SPATA22: variants seen among roughly 807,000 people sequenced by gnomAD.
SPATA22 encodes spermatogenesis associated 22, also known as spermatogenesis-associated protein 22.
A neutral mutation model predicts 47.8 loss-of-function variants in SPATA22; 29 were observed. The ratio of observed to expected loss-of-function variants is 0.61; its 90% CI spans 0.45 to 0.83. The LOEUF (loss-of-function observed/expected upper bound fraction) is 0.83. SPATA22 is among the 40% of genes least tolerant of loss of function. SPATA22 has a pLI of 0.00. For missense variants in SPATA22, 410 were observed against 421.7 expected (o/e 0.97, Z 0.24); for synonymous variants, 133 against 140.9 (o/e 0.94, Z 0.40).
Position 3,482,215 on chromosome 17 carries a change from A to G in SPATA22, c.-73-12817T>C, listed in dbSNP as rs2150747294. Among the ~76,000 whole-genome samples the G allele has an allele frequency of 1.3e-5, 2 of 152,334 alleles. 1 individual carries two copies. Among genetic ancestry groups the G allele is most frequent in the East Asian group, 3.9e-4 (2 of 5,184 alleles). On this transcript the variant is annotated intron_variant, in intron 1 of 8. Coordinates refer to the SPATA22 transcript ENST00000541913. ...CTTTAAATGGTATGGGATCTCAATT[A>G]CAAGGTTTTAGGAAACTTAAGAAAT...
At chr17:3,499,309 A>C in intron 1 of SPATA22, 1 of 442,084 alleles carries the variant, frequency 2.3e-6, no homozygotes, top group East Asian at 3.7e-5. Flanking sequence ...TCCTATTTCT[A>C]TATAGTTTAT....
intron 1 of SPATA22, among the ~76,000 whole-genome samples, chr17:3,505,728 G>A (rs2074034229): frequency 7.8e-6 from 1 of 127,576 alleles, no homozygotes; most frequent in South Asian, 2.5e-4. Flanking sequence ...TAGCTGCTTA[G>A]GGGTTTTTTG....
intron 1 of SPATA22, among the ~76,000 whole-genome samples, chr17:3,484,044 C>T (rs1234076758): frequency 6.6e-6 from 1 of 152,220 alleles, no homozygotes; most frequent in East Asian, 1.9e-4. Flanking sequence ...TAGCTCCAGG[C>T]AGGCTCTAAT....
At chr17:3,504,729 G>A (rs1482239281) in intron 1 of SPATA22, among the ~76,000 whole-genome samples, 6 of 151,956 alleles carry the variant, frequency 3.9e-5, no homozygotes, top group Non-Finnish European at 8.8e-5. Flanking sequence ...GGCTAATTTT[G>A]TATTTTTTTA....
At chr17:3,489,833 A>G (rs1488502489) in intron 1 of SPATA22, among the ~76,000 whole-genome samples, 1 of 152,186 alleles carries the variant, frequency 6.6e-6, no homozygotes, top group Non-Finnish European at 1.5e-5. Context: ...AAAACACACC[A>G]ATCTTATTAC....
At chr17:3,493,040 C>T (rs2073850268) in intron 1 of SPATA22, among the ~76,000 whole-genome samples, 1 of 152,192 alleles carries the variant, frequency 6.6e-6, no homozygotes. Context: ...CAAAGGAAGG[C>T]TTTCCTTTGA....
chr17:3,488,292 A>C lies in SPATA22; in HGVS notation c.-73-18894T>G, dbSNP rs2073762557. On this transcript the variant is annotated intron_variant, in intron 1 of 8. Transcript: ENST00000541913. The surrounding 1 kb of genome is among the most constrained non-coding windows in gnomAD (Gnocchi z 6.1). ...AGGATGGATGCTTAACAGCCACACAAAGTAGACCTAATAGTACAGGCATCA... is the reference window on the plus strand; with the variant it reads ...AGGATGGATGCTTAACAGCCACACACAGTAGACCTAATAGTACAGGCATCA... Among the ~76,000 whole-genome samples the C allele has an allele frequency of 1.3e-5, 2 of 152,232 alleles. No homozygotes were observed.
intron 1 of SPATA22, among the ~76,000 whole-genome samples, chr17:3,505,692 C>G (rs141344010): frequency 6.6e-6 from 1 of 151,720 alleles, no homozygotes; most frequent in South Asian, 2.1e-4. Flanking sequence ...TTTGCATATC[C>G]GACAAAAACA....
intron 5 of SPATA22, among the ~76,000 whole-genome samples, chr17:3,450,874 T>C (rs1163254203): frequency 6.6e-6 from 1 of 152,174 alleles, no homozygotes; most frequent in Admixed American, 6.5e-5. Flanking sequence ...CATAGAAACA[T>C]GAAGTGAGCA....
At position 3,489,395 on chromosome 17, in the gene SPATA22, A is replaced by C. The variant is rs2073783686; in HGVS notation, c.-73-19997T>G. The stretch of plus-strand genomic sequence containing the variant: ...AAACTTAACCACCAAACATTTAAAT[A>C]ACAATTGGAACCTGGGTCAGATTTG... On this transcript the variant is annotated intron_variant, in intron 1 of 8. Transcript: ENST00000541913. The C allele has an allele frequency of 2.3e-5, 32 of 1,413,650 alleles. No homozygotes were observed. In the South Asian group the frequency reaches 3.6e-4, roughly 16 times the overall value. The allele number at this position is 1,413,650 out of a possible 1,614,324, so 87.6% of individuals were successfully genotyped here.
chr17:3,477,145 AC>A (rs1249417819), intron 1 of SPATA22, among the ~76,000 whole-genome samples: 2 of 151,858 alleles, frequency 1.3e-5, no homozygotes, highest in African/African-American at 4.8e-5. Context: ...ACAGAGCAAG[AC>A]TCCGTCTCAA....
At chr17:3,482,862 C>A (rs2073655604) in intron 1 of SPATA22, among the ~76,000 whole-genome samples, 1 of 150,744 alleles carries the variant, frequency 6.6e-6, no homozygotes, top group African/African-American at 2.4e-5. Flanking sequence ...CATATGTATA[C>A]ATGTGCCATG....
At chr17:3,451,356 TA>T (rs887617418) in intron 5 of SPATA22, among the ~76,000 whole-genome samples, 7 of 151,308 alleles carry the variant, frequency 4.6e-5, no homozygotes, top group African/African-American at 1.5e-4. Flanking sequence ...AGCAACATAA[TA>T]AAAAAAAGAA....
At chr17:3,491,578 T>A (rs1197467139) in intron 1 of SPATA22, among the ~76,000 whole-genome samples, 1 of 151,988 alleles carries the variant, frequency 6.6e-6, no homozygotes, top group Non-Finnish European at 1.5e-5. Context: ...GAAAACCTTG[T>A]CTCTACTAAA....
rs765155388 is a variant in SPATA22 at position 3,469,320 on chromosome 17, C to G, written c.6G>C (p.Lys2Asn). 11 of 1,566,726 alleles carry G rather than the reference C, an allele frequency of 7.0e-6. No homozygotes were observed. The highest frequency in any genetic ancestry group is 9.5e-6 in the Non-Finnish European group (11 of 1,152,948). M[K>N]RSLNENSARS... ...GAGCTGAATTTTCATTTAGGCTTCG[C>G]TTCATTTCCTTCAATATCAAAATCT... The change falls in exon 2 of 9, where the codon AAG becomes AAC. Residue 2 changes from lysine to asparagine, a missense_variant. Physicochemically the swap from Lys to Asn is moderately conservative, Grantham distance 94. Coordinates refer to ENST00000572969, the MANE Select transcript of SPATA22 (RefSeq NM_001170698.2).
At position 3,464,162 on chromosome 17, in the gene SPATA22, T is replaced by C. The variant is rs375944041; in HGVS notation, c.173-1395A>G. The stretch of plus-strand genomic sequence containing the variant: ...CGCCTGACTGGTTTTCGTATTTTTT[T>C]GGTGGAGACGGGTTTCGCTGTGTTG... On this transcript the variant is annotated intron_variant, in intron 3 of 8. Coordinates refer to ENST00000572969, the MANE Select transcript of SPATA22 (RefSeq NM_001170698.2). Among the ~76,000 whole-genome samples the C allele has an allele frequency of 5.1e-4, 78 of 152,244 alleles. No individual in the cohort carries two copies. In the South Asian group the frequency reaches 0.016, roughly 31 times the overall value.
chr17:3,495,718 G>A (rs2073897976), intron 1 of SPATA22, among the ~76,000 whole-genome samples: 2 of 152,066 alleles, frequency 1.3e-5, no homozygotes, highest in Admixed American at 6.6e-5. Flanking sequence ...ACAGGCTCAC[G>A]TCACCACACC....
intron 2 of SPATA22, chr17:3,468,247 A>G (rs1366972649): frequency 6.6e-6 from 1 of 152,276 alleles, no homozygotes; most frequent in Non-Finnish European, 1.5e-5. Flanking sequence ...AATTCAGGTC[A>G]AAAGTCACAA....
At chr17:3,484,308 C>A (rs1032068724) in intron 1 of SPATA22, among the ~76,000 whole-genome samples, 3 of 152,164 alleles carry the variant, frequency 2.0e-5, no homozygotes, top group African/African-American at 7.2e-5. Flanking sequence ...GGGGACAGAA[C>A]AATGAGCAAG....
Sources: gnomAD v4.1 joint callset for allele counts (sites outside exome capture counted in the v4.1 genomes callset) on GRCh38, gnomAD v4.1.1 for gene constraint, Gnocchi (gnomAD v3.1) non-coding constraint, MANE v1.5 for transcripts, NCBI Gene and HGNC (gene_info 2026-07-23, HGNC 2026-07-21) for gene names.